The following MPDZ variants were observed in gnomAD, a reference collection of about 807,000 sequenced individuals.
MPDZ encodes the protein multiple PDZ domain protein.
Under a neutral mutation model 239.1 loss-of-function variants are expected in MPDZ, and 234 were observed. The ratio of observed to expected loss-of-function variants is 0.98; its 90% confidence interval spans 0.88 to 1.09. MPDZ has a LOEUF of 1.09. Among genes scored for constraint, MPDZ ranks in the 50% least tolerant of loss-of-function variants. The pLI is 0.00. For missense variants in MPDZ, 3,175 were observed against 2,510.0 expected (o/e 1.26, Z -5.66); for synonymous variants, 1,048 against 881.3 (o/e 1.19, Z -3.35).
intron 24 of MPDZ, among the ~76,000 whole-genome samples, chr9:13,152,485 C>T (rs1587298059): frequency 6.6e-6 from 1 of 152,216 alleles, no homozygotes; most frequent in South Asian, 2.1e-4. Flanking sequence ...CCAGTACAAG[C>T]TCTCTTCTCT....
intron 32 of MPDZ, 59 bp from the exon 33 acceptor site, chr9:13,126,831 T>G (rs1945197137): frequency 1.2e-5 from 17 of 1,404,462 alleles, no homozygotes; most frequent in Non-Finnish European, 1.7e-5. Context: ...TTTATCCAAA[T>G]GGATACCAAG....
intron 7 of MPDZ, among the ~76,000 whole-genome samples, chr9:13,221,081 T>C (rs1281356493): frequency 2.0e-5 from 3 of 151,934 alleles, no homozygotes; most frequent in Non-Finnish European, 4.4e-5. Flanking sequence ...ATAAAACAAA[T>C]AGTAGCTACC....
chr9:13,227,502 A>G (rs140390540), intron 3 of MPDZ, among the ~76,000 whole-genome samples: 1 of 152,224 alleles, frequency 6.6e-6, no homozygotes, highest in African/African-American at 2.4e-5. Context: ...ACCAAGACCT[A>G]ATGGCTATGG....
chr9:13,109,875 G>C (rs1942133208), intron 45 of MPDZ, 77 bp downstream of exon 45: 1 of 1,110,698 alleles, frequency 9.0e-7, no homozygotes, highest in Non-Finnish European at 1.3e-6. Context: ...TAGAAACATG[G>C]GACAGAGAAC....
intron 20 of MPDZ, 32 bp downstream of exon 20, chr9:13,176,103 CA>C: frequency 6.5e-7 from 1 of 1,527,676 alleles, no homozygotes; most frequent in Non-Finnish European, 8.8e-7. Flanking sequence ...CCTATCTCAT[CA>C]TAAAACACAA....
intron 24 of MPDZ, among the ~76,000 whole-genome samples, chr9:13,152,640 C>T (rs889734364): frequency 2.6e-5 from 4 of 151,900 alleles, no homozygotes; most frequent in South Asian, 4.2e-4. Context: ...AGCATGAAAA[C>T]GGACTAATAT....
chr9:13,109,664 T>C (rs1942088078), intron 45 of MPDZ, among the ~76,000 whole-genome samples: 1 of 152,154 alleles, frequency 6.6e-6, no homozygotes, highest in Non-Finnish European at 1.5e-5. Context: ...AGTGGTAACA[T>C]CAAGACTAAA....
At chr9:13,186,444 A>T (rs1292667004) in intron 17 of MPDZ, 58 bp from the exon 18 acceptor site, 2 of 1,262,514 alleles carry the variant, frequency 1.6e-6, no homozygotes, top group Middle Eastern at 1.8e-4. Flanking sequence ...AAGAAAGAAA[A>T]TGGAAAAGAA....
chr9:13,254,590 C>G (rs920173811), intron 1 of MPDZ, among the ~76,000 whole-genome samples: 1 of 152,070 alleles, frequency 6.6e-6, no homozygotes, highest in Non-Finnish European at 1.5e-5. Flanking sequence ...AAACATGGTA[C>G]AAGCATATCT....
At chr9:13,190,072 A>G (rs1954685757) in intron 16 of MPDZ, 42 bp downstream of exon 16, 1 of 1,545,004 alleles carries the variant, frequency 6.5e-7, no homozygotes, top group South Asian at 1.2e-5. Flanking sequence ...TTTGATAGCA[A>G]CAATAGGCCT....
chr9:13,271,610 A>T (rs1437308704), intron 1 of MPDZ, among the ~76,000 whole-genome samples: 3 of 152,168 alleles, frequency 2.0e-5, no homozygotes, highest in East Asian at 1.9e-4. Context: ...ATATGAAATT[A>T]AAAACATCAA....
chr9:13,131,721 C>G (rs1004169623), intron 32 of MPDZ, among the ~76,000 whole-genome samples: 4 of 152,194 alleles, frequency 2.6e-5, no homozygotes, highest in South Asian at 2.1e-4. Context: ...ATGCTGGGAT[C>G]CACTGTCTTG....
Position 13,150,513 on chromosome 9 carries a change from C to A in MPDZ, c.3628G>T (p.Glu1210Ter). 6.4e-7 allele frequency: 1 copy of A among 1,557,028 alleles called. No individual in the cohort carries two copies. Among genetic ancestry groups the A allele is most frequent in the Non-Finnish European group, 8.7e-7 (1 of 1,149,672 alleles). The change falls in exon 25 of 47, where the codon GAG becomes TAG. Residue 1210 changes from glutamate (E) to a stop codon, truncating the protein, a stop_gained and splice_region_variant. Coordinates refer to ENST00000319217, the MANE Select transcript of MPDZ (RefSeq NM_001378778.1). LOFTEE classifies it high-confidence loss of function. ...ACAGAAAGCTCACTAGAGGGTACCT[C>A]TACGATTCTATCTCCAGGTTTCAAG... is the stretch of plus-strand genomic sequence containing the variant. ...GTLKPGDRIV[E>*]VDGMDLRDAS...
intron 22 of MPDZ, 85 bp downstream of exon 22, chr9:13,168,281 A>C (rs2133893722): frequency 7.9e-7 from 1 of 1,273,500 alleles, no homozygotes; most frequent in Non-Finnish European, 1.1e-6. Flanking sequence ...TTGCATCTCA[A>C]ACAGAAGTGA....
At chr9:13,144,438 C>T (rs1398495527) in intron 26 of MPDZ, among the ~76,000 whole-genome samples, 2 of 151,958 alleles carry the variant, frequency 1.3e-5, no homozygotes, top group African/African-American at 4.8e-5. Flanking sequence ...ATTTCCTTAG[C>T]ACAATAAATT....
rs377658757 is a variant in MPDZ at position 13,117,095 on chromosome 9, A to G, written c.5380-1761T>C. On this transcript the variant is annotated intron_variant, in intron 39 of 46. Transcript: ENST00000319217. ...ATAAGGTTTAATTTATAAATTAGAC[A>G]TAAGAGGATAATAAAATAGAACAAT... 2.0e-5 allele frequency among the ~76,000 whole-genome samples: 3 copies of G among 152,270 alleles called. No individual in the cohort carries two copies. In the East Asian group the frequency reaches 5.8e-4, roughly 29 times the overall value.
At chr9:13,253,718 C>T (rs1043934616) in intron 1 of MPDZ, among the ~76,000 whole-genome samples, 2 of 152,126 alleles carry the variant, frequency 1.3e-5, no homozygotes, top group East Asian at 3.9e-4. Context: ...TTTTTCTGGG[C>T]AATTCATGCT....
chr9:13,250,153 AC>A (rs1967550460), intron 2 of MPDZ, 146 bp downstream of exon 2: 1 of 615,924 alleles, frequency 1.6e-6, no homozygotes, highest in Non-Finnish European at 2.7e-6. Context: ...GAAACATATT[AC>A]CTTAATACAA....
intron 32 of MPDZ, among the ~76,000 whole-genome samples, chr9:13,129,627 G>A (rs180775753): frequency 1.3e-5 from 2 of 152,256 alleles, no homozygotes; most frequent in East Asian, 3.9e-4. Context: ...TTAGCAAGAA[G>A]AGATCTGAGA....
Sources: gnomAD v4.1 joint callset for allele counts (sites outside exome capture counted in the v4.1 genomes callset) on GRCh38, gnomAD v4.1.1 for gene constraint, MANE v1.5 for transcripts, NCBI Gene and HGNC (gene_info 2026-07-23, HGNC 2026-07-21) for gene names.